UIMC1: variants seen among roughly 807,000 people sequenced by gnomAD.
UIMC1 encodes the protein BRCA1-A complex subunit RAP80.
UIMC1 carries 42 observed loss-of-function variants against 84.9 expected under a neutral mutation model. That is an observed-to-expected ratio of 0.49 (90% CI 0.39 to 0.64). The LOEUF (loss-of-function observed/expected upper bound fraction) is 0.64, where lower values mean the gene tolerates loss of function less well. Among genes scored for constraint, UIMC1 ranks in the 30% least tolerant of loss-of-function variants. The pLI, the probability that UIMC1 is intolerant of heterozygous loss-of-function variation, is 0.00. For synonymous variants in UIMC1, 281 were observed against 293.0 expected (o/e 0.96, Z 0.42); for missense variants, 825 against 847.6 (o/e 0.97, Z 0.33).
At position 176,909,718 on chromosome 5, in the gene UIMC1, G is replaced by C. The variant is rs567493655; in HGVS notation, c.1677-1024C>G. On this transcript the variant is annotated intron_variant, in intron 11 of 14. Coordinates refer to ENST00000511320, the MANE Select transcript of UIMC1 (RefSeq NM_001199298.2). ...TACTTAATTATCCAGAAGAATGCAA[G>C]CAAAATGCTGCCTTAAGAGAAAAGC... Among the ~76,000 whole-genome samples, 8 of 152,278 alleles carry C rather than the reference G, an allele frequency of 5.3e-5. No individual in the cohort carries two copies. The South Asian group carries it at 6.2e-4, about 12-fold the overall frequency.
intron 3 of UIMC1, among the ~76,000 whole-genome samples, chr5:176,971,217 A>G (rs1407422448): frequency 6.6e-6 from 1 of 152,250 alleles, no homozygotes; most frequent in Non-Finnish European, 1.5e-5. Context: ...CCCACTCTAG[A>G]GCTTTTTGCT....
At chr5:176,944,176 A>C (rs866125811) in intron 9 of UIMC1, among the ~76,000 whole-genome samples, 1 of 142,866 alleles carries the variant, frequency 7.0e-6, no homozygotes, top group Non-Finnish European at 1.5e-5. Context: ...ATAAGTCTGT[A>C]CTTAGACCCA....
chr5:176,931,219 C>G (rs1763047653), intron 10 of UIMC1, among the ~76,000 whole-genome samples: 1 of 152,094 alleles, frequency 6.6e-6, no homozygotes. Flanking sequence ...CAATGGAGAT[C>G]ACTGATCTAG....
intron 1 of UIMC1, among the ~76,000 whole-genome samples, chr5:176,984,541 G>A (rs188056842): frequency 9.2e-5 from 14 of 151,964 alleles, no homozygotes; most frequent in African/African-American, 3.1e-4. Flanking sequence ...CTAGGAGTGA[G>A]GAGTGCCTCT....
chr5:177,009,054 T>C (rs1347890557), upstream of UIMC1, among the ~76,000 whole-genome samples: 2 of 151,930 alleles, frequency 1.3e-5, no homozygotes, highest in Non-Finnish European at 2.9e-5. The surrounding 1 kb of genome is among the most constrained non-coding windows in gnomAD (Gnocchi z 4.3). Context: ...TCACCCGTAC[T>C]GGAGTGCAGT....
intron 9 of UIMC1, among the ~76,000 whole-genome samples, chr5:176,943,838 G>A (rs539114375): frequency 2.0e-5 from 3 of 152,242 alleles, no homozygotes; most frequent in East Asian, 1.9e-4. Context: ...TTTTGTACAC[G>A]TGAGAAAAGT....
intron 1 of UIMC1, chr5:177,002,135 A>AC (rs1581715093): frequency 1.3e-5 from 2 of 151,564 alleles, no homozygotes; most frequent in East Asian, 1.9e-4. Flanking sequence ...AAAAAAACAA[A>AC]AAAAAAAAAA....
rs1357794552 is a variant in UIMC1, at chr5:176,955,316, T to C, written c.1339+643A>G. 2.0e-5 allele frequency among the ~76,000 whole-genome samples: 3 copies of C among 152,324 alleles called. No homozygotes were observed. In the East Asian group the frequency reaches 5.8e-4, roughly 29 times the overall value. On this transcript the variant is annotated intron_variant, in intron 8 of 14. Coordinates refer to ENST00000511320, the MANE Select transcript of UIMC1 (RefSeq NM_001199298.2). ...TTAACAAAAAGCAAACTAAAGCACT[T>C]AACGAGGTTAAGCATCTTAGGTCTA...
chr5:176,923,562 A>AG lies in UIMC1; in HGVS notation c.1598-12174_1598-12173insC, dbSNP rs1268451186. 2.5e-4 allele frequency among the ~76,000 whole-genome samples: 37 copies of AG among 150,008 alleles called. 1 individual carries two copies. The highest frequency in any genetic ancestry group is 4.9e-4 in the Non-Finnish European group (33 of 67,480). On this transcript the variant is annotated intron_variant, in intron 10 of 14. Coordinates refer to ENST00000511320, the MANE Select transcript of UIMC1 (RefSeq NM_001199298.2). ...GAGACTGTATCAAAAGCAAAAAAAA[A>AG]AAAGAAAGAAAGAAAATAAGGTCGG...
chr5:177,018,457 G>C (rs1428918195), intron 1 of UIMC1, among the ~76,000 whole-genome samples: 1 of 152,114 alleles, frequency 6.6e-6, no homozygotes, highest in African/African-American at 2.4e-5. Flanking sequence ...TGCACATACA[G>C]AGTCAGTATT....
At chr5:176,958,614 T>A (rs1490541066) in intron 6 of UIMC1, among the ~76,000 whole-genome samples, 1 of 152,184 alleles carries the variant, frequency 6.6e-6, no homozygotes, top group African/African-American at 2.4e-5. Context: ...AATACTGAGT[T>A]GAGATAAACA....
rs11547755 is a variant in UIMC1 at position 176,969,610 on chromosome 5, G to A, written c.454C>T (p.Leu152Phe). The A allele has an allele frequency of 5.1e-5, 82 of 1,614,088 alleles. No homozygotes were observed. Among genetic ancestry groups the A allele is most frequent in the Middle Eastern group, 1.6e-4 (1 of 6,062 alleles). ...SHQEKTTDSG[L>F]TEGIWQLVPP... is the part of the protein sequence containing the mutation. ...GAACAGGGAGACATGCCTTCAGTGA[G>A]CCCAGAGTCTGTGGTTTTCTCTTGA... Residue 152 changes from leucine (L) to phenylalanine (F), a missense_variant, in exon 5 of 15, where the codon CTC (leucine) becomes TTC (phenylalanine). Transcript: ENST00000511320.
At chr5:177,020,004 T>A (rs1775754578) in intron 1 of UIMC1, among the ~76,000 whole-genome samples, 1 of 152,218 alleles carries the variant, frequency 6.6e-6, no homozygotes, top group African/African-American at 2.4e-5. Context: ...CTCTAGGGCC[T>A]GAGGCCTGAC....
At chr5:176,975,503 A>G (rs753499530) in intron 2 of UIMC1, 23 bp from the exon 3 acceptor site, 14 of 1,612,872 alleles carry the variant, frequency 8.7e-6, no homozygotes, top group Non-Finnish European at 1.2e-5. Context: ...AAGAAATATC[A>G]TCAGTGTGGC....
chr5:176,910,949 C>T (rs1441758631), intron 11 of UIMC1, among the ~76,000 whole-genome samples: 2 of 151,856 alleles, frequency 1.3e-5, no homozygotes, highest in African/African-American at 2.4e-5. Context: ...ATTAGCCGGG[C>T]GTGGTGGCGC....
Position 176,959,800 on chromosome 5 carries a change from G to C in UIMC1, c.1201-1646C>G, listed in dbSNP as rs544567017. Among the ~76,000 whole-genome samples the C allele has an allele frequency of 2.0e-3, 306 of 152,014 alleles. 1 individual carries two copies. The highest frequency in any genetic ancestry group is 2.6e-3 in the Non-Finnish European group (175 of 68,022). On this transcript the variant is annotated intron_variant, in intron 6 of 14. Coordinates refer to ENST00000511320, the MANE Select transcript of UIMC1 (RefSeq NM_001199298.2). ...TAATCCCAGCACTTTGGGAGGCCAA[G>C]GTGGGCGGATCACCTGAGGTCGGGA... is the stretch of plus-strand genomic sequence containing the variant.
intron 10 of UIMC1, among the ~76,000 whole-genome samples, chr5:176,937,620 A>C (rs888701422): frequency 1.3e-5 from 2 of 152,282 alleles, no homozygotes; most frequent in Admixed American, 1.3e-4. Flanking sequence ...TATTATAATC[A>C]AAACTTACAG....
intron 10 of UIMC1, among the ~76,000 whole-genome samples, chr5:176,918,359 A>G (rs1761284441): frequency 1.3e-5 from 2 of 152,170 alleles, no homozygotes; most frequent in South Asian, 4.2e-4. Flanking sequence ...ATTAATTCCT[A>G]TGGCTCCTAC....
At chr5:176,997,684 CAAAAA>C (rs11327766) in intron 1 of UIMC1, among the ~76,000 whole-genome samples, 3 of 102,926 alleles carry the variant, frequency 2.9e-5, no homozygotes, top group Non-Finnish European at 6.3e-5. Flanking sequence ...GACTCTGTCT[CAAAAA>C]AAAAAAAAAA....
Sources: gnomAD v4.1 joint callset for allele counts (sites outside exome capture counted in the v4.1 genomes callset) on GRCh38, gnomAD v4.1.1 for gene constraint, Gnocchi (gnomAD v3.1) non-coding constraint, MANE v1.5 for transcripts, NCBI Gene and HGNC (gene_info 2026-07-23, HGNC 2026-07-21) for gene names.